DIDO1: variants seen among roughly 807,000 people sequenced by gnomAD.
DIDO1 encodes death inducer-obliterator 1.
Under a neutral mutation model 99.4 loss-of-function variants are expected in DIDO1, and 16 were observed. The ratio of observed to expected loss-of-function variants is 0.16; its 90% CI spans 0.11 to 0.24. The LOEUF is 0.24. DIDO1 is among the 10% of genes least tolerant of loss of function. The pLI is 1.00. For synonymous variants in DIDO1, 1,366 were observed against 1,239.1 expected (o/e 1.10, Z -2.15); for missense variants, 2,996 against 3,014.0 (o/e 0.99, Z 0.14).
intron 15 of DIDO1, chr20:62,890,016 C>T (rs1443520728): frequency 1.0e-6 from 1 of 985,414 alleles, no homozygotes; most frequent in East Asian, 1.1e-4. Context: ...CCTACAGGAC[C>T]CCAGCTAGCT....
Position 62,893,673 on chromosome 20 carries a change from T to C in DIDO1, c.3094A>G (p.Asn1032Asp), listed in dbSNP as rs773978775. Residue 1032 changes from asparagine (N) to aspartate (D), a missense_variant, in exon 12 of 16, where the codon AAT (asparagine) becomes GAT (aspartate). Physicochemically the swap from Asn to Asp is conservative, Grantham distance 23. Around this residue, in one of 5 missense-constraint regions of DIDO1, gnomAD observed 898 missense variants for 972.7 expected, o/e 0.92. Transcript: ENST00000395343. ...CACACCTGAAGTACGCACCTGATATTTGGTGACGGAGGAACTGACAGGTAT... is the reference window on the plus strand; with the variant it reads ...CACACCTGAAGTACGCACCTGATATCTGGTGACGGAGGAACTGACAGGTAT... Reference protein sequence around the residue: ...PRYLSVPPSPNISTSESRSPP... With the variant: ...PRYLSVPPSPDISTSESRSPP... 2.8e-5 allele frequency: 44 copies of C among 1,598,452 alleles called. No individual in the cohort carries two copies. The highest frequency in any genetic ancestry group is 1.7e-4 in the Middle Eastern group (1 of 6,032).
At chr20:62,901,029 G>C (rs1032734883) in intron 6 of DIDO1, among the ~76,000 whole-genome samples, 1 of 152,332 alleles carries the variant, frequency 6.6e-6, no homozygotes, top group African/African-American at 2.4e-5. Context: ...AGGTGGCAGC[G>C]GCAAGAGAAA....
At chr20:62,929,692 A>AAAAAAAAAAAAAAAT, upstream of DIDO1, among the ~76,000 whole-genome samples, 3 of 63,710 alleles carry the variant, frequency 4.7e-5, no homozygotes, top group African/African-American at 2.3e-4. Flanking sequence ...AAAAAGAAAA[A>AAAAAAAAAAAAAAAT]GTGTATATAT....
chr20:62,887,693 A>C (rs1349056564), intron 15 of DIDO1: 1 of 985,192 alleles, frequency 1.0e-6, no homozygotes, highest in African/African-American at 1.7e-5. Flanking sequence ...AGGGCCCTGC[A>C]CAGAACCCTA....
chr20:62,890,690 C>G, intron 15 of DIDO1: 1 of 1,313,978 alleles, frequency 7.6e-7, no homozygotes, highest in African/African-American at 1.5e-5. Flanking sequence ...TCTTCTCTGA[C>G]CTGAGGCCAA....
Position 62,880,957 on chromosome 20 carries a change from C to T in DIDO1, c.4999G>A (p.Ala1667Thr). The change falls in exon 16 of 16, where the codon GCC becomes ACC. Residue 1667 changes from alanine (A) to threonine (T), a missense_variant. Ala to Thr is a moderately conservative substitution (Grantham distance 58). This residue lies in a region of DIDO1 where 1,562 missense variants were observed against 1,412.6 expected (regional missense o/e 1.11). Coordinates refer to ENST00000395343, the MANE Select transcript of DIDO1 (RefSeq NM_001193369.2). ...TGCAGCGGGAAGCCGGGCTGCAGGG[C>T]GCCGCAAGGCGGTGTGGGCAGCAGC... is the stretch of plus-strand genomic sequence containing the variant. ...RVLLPTPPCG[A>T]LQPGFPLQHD... 1.2e-6 allele frequency: 2 copies of T among 1,607,008 alleles called. No individual in the cohort carries two copies. Among genetic ancestry groups the T allele is most frequent in the Non-Finnish European group, 1.7e-6 (2 of 1,179,534 alleles).
intron 6 of DIDO1, among the ~76,000 whole-genome samples, chr20:62,897,385 G>C (rs910296838): frequency 1.3e-5 from 2 of 152,230 alleles, no homozygotes; most frequent in Non-Finnish European, 2.9e-5. Context: ...AGTGCAAACT[G>C]TTTGTAAACT....
chr20:62,894,015 T>C lies in DIDO1; in HGVS notation c.2752A>G (p.Ser918Gly). The part of the protein sequence containing the change: ...PEVASEPGLE[S>G]ASHPNVDRTY... ...CTGTCCACATTTGGATGAGAAGCAC[T>C]TTCTAGGCCTGGCTCAGAGGCAACT... The change falls in exon 12 of 16, where the codon AGT (serine) becomes GGT (glycine). Residue 918 changes from serine to glycine, a missense_variant. Ser to Gly is a moderately conservative substitution (Grantham distance 56). Transcript: ENST00000395343. The surrounding 1 kb of genome is among the most constrained non-coding windows in gnomAD (Gnocchi z 4.4). 4 of 1,614,222 alleles carry C rather than the reference T, an allele frequency of 2.5e-6. No homozygotes were observed. Among genetic ancestry groups the C allele is most frequent in the Non-Finnish European group, 3.4e-6 (4 of 1,180,044 alleles).
upstream of DIDO1, among the ~76,000 whole-genome samples, chr20:62,927,952 A>G (rs2065282020): frequency 6.6e-6 from 1 of 152,118 alleles, no homozygotes; most frequent in African/African-American, 2.4e-5. Context: ...TAGAAGACAG[A>G]CGGGGTTGAG....
upstream of DIDO1, chr20:62,929,439 G>T (rs1184433514): frequency 6.6e-6 from 1 of 152,208 alleles, no homozygotes; most frequent in Non-Finnish European, 1.5e-5. Context: ...CCTCTGCCGA[G>T]GCAGGATGGA....
In DIDO1 at chr20:62,894,534, T is replaced by C. The variant is rs766325961; in HGVS notation, c.2451A>G (p.Ser817=). 1.4e-5 allele frequency: 22 copies of C among 1,609,538 alleles called. No individual in the cohort carries two copies. The highest frequency in any genetic ancestry group is 1.9e-5 in the Non-Finnish European group (22 of 1,178,898). The change falls in exon 11 of 16, where the codon TCA becomes TCG. Residue 817 remains serine (S), a synonymous_variant. Transcript: ENST00000395343. This position sits in a 1 kb window ranked among gnomAD's most constrained non-coding sequence, Gnocchi z 4.4. ...PVSDSEEQQE[S]ARAVPEKSTA... is the part of the protein sequence containing the mutation. ...TGCTCTTCTCAGGGACAGCACGTGCTGACTCTTGCTGTTCCTAAAAAAGAA... is the reference window on the plus strand; with the variant it reads ...TGCTCTTCTCAGGGACAGCACGTGCCGACTCTTGCTGTTCCTAAAAAAGAA...
At chr20:62,889,378 C>T in intron 15 of DIDO1, 1 of 985,386 alleles carries the variant, frequency 1.0e-6, no homozygotes, top group Non-Finnish European at 1.2e-6. Context: ...CAACCGTGCT[C>T]ACCTGACAGC....
At chr20:62,929,869 C>T (rs1353083975), upstream of DIDO1, among the ~76,000 whole-genome samples, 2 of 151,352 alleles carry the variant, frequency 1.3e-5, no homozygotes, top group South Asian at 4.2e-4. Flanking sequence ...TAAAAGGTGT[C>T]ACAATCAAAT....
At position 62,881,815 on chromosome 20, in the gene DIDO1, C is replaced by T. The variant is rs201165565; in HGVS notation, c.4141G>A (p.Asp1381Asn). The change falls in exon 16 of 16, where the codon GAC (aspartate) becomes AAC (asparagine). Residue 1381 changes from aspartate (D) to asparagine (N), a missense_variant. By Grantham distance (23) the Asp-to-Asn change is conservative (BLOSUM62 1). This residue lies in a region of DIDO1 where 1,562 missense variants were observed against 1,412.6 expected (regional missense o/e 1.11). Coordinates refer to ENST00000395343, the MANE Select transcript of DIDO1 (RefSeq NM_001193369.2). The surrounding 1 kb of genome is among the most constrained non-coding windows in gnomAD (Gnocchi z 8.3). ...TCCTCAGGGTCGTATGGCCTGTCGT[C>T]CTCCTCTTCCTCTAGAGCCTTATCT... ...SKDKALEEEEDDRPYDPEEEY... is the reference protein window; with the variant it reads ...SKDKALEEEENDRPYDPEEEY... The T allele has an allele frequency of 1.1e-5, 18 of 1,613,534 alleles. No homozygotes were observed. Among genetic ancestry groups the T allele is most frequent in the Non-Finnish European group, 1.5e-5 (18 of 1,180,028 alleles).
At chr20:62,918,189 T>C (rs2065072586) in intron 1 of DIDO1, among the ~76,000 whole-genome samples, 1 of 152,248 alleles carries the variant, frequency 6.6e-6, no homozygotes, top group African/African-American at 2.4e-5. Context: ...GTCAGCTCTG[T>C]TACTTTAAAA....
At chr20:62,889,403 T>A (rs1465992534) in intron 15 of DIDO1, 11 of 985,322 alleles carry the variant, frequency 1.1e-5, no homozygotes, top group Non-Finnish European at 1.3e-5. Flanking sequence ...AGTTTGGAGA[T>A]GAGCAGGGAG....
In DIDO1 at chr20:62,896,005, G is replaced by C. The variant is rs1715769528; in HGVS notation, c.2214+228C>G. On this transcript the variant is annotated intron_variant, in intron 8 of 15. Transcript: ENST00000395343. This position sits in a 1 kb window ranked among gnomAD's most constrained non-coding sequence, Gnocchi z 4.4. The stretch of plus-strand genomic sequence containing the variant: ...ATGTGGTGATAAAAGGTGGACTTCA[G>C]GGAAGCCAGGAAGCGGACGCGACCC... Among the ~76,000 whole-genome samples the C allele has an allele frequency of 1.3e-5, 2 of 152,200 alleles. No individual in the cohort carries two copies. The highest frequency in any genetic ancestry group is 6.5e-5 in the Admixed American group (1 of 15,270).
At chr20:62,902,222 T>G (rs955496974) in intron 6 of DIDO1, among the ~76,000 whole-genome samples, 1 of 152,142 alleles carries the variant, frequency 6.6e-6, no homozygotes, top group Non-Finnish European at 1.5e-5. Context: ...CTGATGTAAT[T>G]TTCTCAATGG....
intron 15 of DIDO1, chr20:62,889,580 C>T: frequency 1.0e-6 from 1 of 985,470 alleles, no homozygotes; most frequent in Non-Finnish European, 1.2e-6. Context: ...GCACTTGCAA[C>T]TGACCAGTGG....
Sources: gnomAD v4.1 joint callset for allele counts (sites outside exome capture counted in the v4.1 genomes callset) on GRCh38, gnomAD v4.1.1 for gene constraint, gnomAD v4.1.1 regional missense constraint, Gnocchi (gnomAD v3.1) non-coding constraint, MANE v1.5 for transcripts, NCBI Gene and HGNC (gene_info 2026-07-23, HGNC 2026-07-21) for gene names.